Variants in TFEB observed in about 807,000 individuals in gnomAD.
TFEB encodes transcription factor EB, also known as T-cell transcription factor EB.
A neutral mutation model predicts 48.0 loss-of-function variants in TFEB; 12 were observed. The observed-to-expected ratio is 0.25, with a 90% confidence interval of 0.16 to 0.40. The LOEUF (loss-of-function observed/expected upper bound fraction) is 0.40. Ranked by LOEUF, TFEB falls within the 10% of genes least tolerant of loss-of-function variation. TFEB has a pLI of 1.00. For missense variants in TFEB, 509 were observed against 640.3 expected (o/e 0.79, Z 2.21); for synonymous variants, 244 against 261.4 (o/e 0.93, Z 0.64).
At position 41,690,759 on chromosome 6, in the gene TFEB, C is replaced by A; in HGVS notation, c.372G>T (p.Gly124=). ...AGGACAGCACGTGTCCAGCTCGCAC[C>A]CCTGGGGAGGCGGCTGGTGGGGGTT... The part of the protein sequence containing the change: ...SPKPPPAASP[G]VRAGHVLSSS... The change falls in exon 3 of 9, where the codon GGG becomes GGT. Residue 124 remains glycine, a synonymous_variant. Transcript: ENST00000373033. 4.3e-6 allele frequency: 7 copies of A among 1,610,018 alleles called. No individual in the cohort carries two copies. The highest frequency in any genetic ancestry group is 5.9e-6 in the Non-Finnish European group (7 of 1,177,706).
At chr6:41,696,778 G>A (rs1473733591) in intron 1 of TFEB, among the ~76,000 whole-genome samples, 1 of 152,194 alleles carries the variant, frequency 6.6e-6, no homozygotes, top group Non-Finnish European at 1.5e-5. Flanking sequence ...CAAATGCACT[G>A]TTGTTACACA....
At chr6:41,735,646 G>T (rs1166748614), upstream of TFEB, 2 of 839,486 alleles carry the variant, frequency 2.4e-6, no homozygotes, top group East Asian at 2.4e-4. Flanking sequence ...GGCAGCACCC[G>T]CCCCGCCTCC....
intron 1 of TFEB, among the ~76,000 whole-genome samples, chr6:41,704,067 A>C (rs1310085623): frequency 6.6e-6 from 1 of 152,046 alleles, no homozygotes; most frequent in Non-Finnish European, 1.5e-5. Flanking sequence ...GGTGCAGGAC[A>C]CCAGCCTCCC....
intron 1 of TFEB, among the ~76,000 whole-genome samples, chr6:41,722,699 A>C (rs1320160407): frequency 2.0e-5 from 3 of 152,256 alleles, no homozygotes; most frequent in African/African-American, 4.8e-5. Flanking sequence ...CCAGGTAAAC[A>C]TGAGCTCTTA....
intron 1 of TFEB, chr6:41,705,586 G>A (rs1308753373): frequency 6.6e-6 from 1 of 152,512 alleles, no homozygotes; most frequent in Non-Finnish European, 1.5e-5. Flanking sequence ...CCCTGTCCAT[G>A]AAGAGGTGAC....
intron 1 of TFEB, among the ~76,000 whole-genome samples, chr6:41,715,676 G>GA (rs34988206): frequency 1.5e-3 from 183 of 125,974 alleles, no homozygotes; most frequent in Middle Eastern, 4.3e-3. Flanking sequence ...TCTCAATTAA[G>GA]AAAAAAAAAA....
In TFEB at chr6:41,723,528, G is replaced by A. The variant is rs2127267993; in HGVS notation, c.-23+11822C>T. ...CAGCTCCTCCAGGGGCCGGAGCCCA[G>A]GGCCGCACCCCAGCCCCAGGGCCGG... On this transcript the variant is annotated intron_variant, in intron 1 of 8. Transcript: ENST00000373033. This position sits in a 1 kb window ranked among gnomAD's most constrained non-coding sequence, Gnocchi z 6.0. 2 of 1,285,434 alleles carry A rather than the reference G, an allele frequency of 1.6e-6. No homozygotes were observed. Among genetic ancestry groups the A allele is most frequent in the East Asian group, 5.6e-5 (1 of 17,948 alleles). 79.6% of individuals were successfully genotyped at this position (1,285,434 alleles called of 1,614,324 possible).
intron 1 of TFEB, among the ~76,000 whole-genome samples, chr6:41,715,394 G>A (rs1770690899): frequency 6.6e-6 from 1 of 152,170 alleles, no homozygotes; most frequent in Non-Finnish European, 1.5e-5. Context: ...CATGAGCCGG[G>A]CGCAGTGGCT....
At chr6:41,704,214 G>T (rs57362568) in intron 1 of TFEB, among the ~76,000 whole-genome samples, 1 of 152,074 alleles carries the variant, frequency 6.6e-6, no homozygotes, top group Non-Finnish European at 1.5e-5. Context: ...CCTCCACCAC[G>T]TCATCTGTCC....
chr6:41,736,129 A>G (rs1771666102), upstream of TFEB: 1 of 1,612,732 alleles, frequency 6.2e-7, no homozygotes, highest in Admixed American at 1.7e-5. Flanking sequence ...TGGGTTCTAC[A>G]TTCACGCCCC....
chr6:41,735,087 G>A (rs1561877806), intron 1 of TFEB: 2 of 984,970 alleles, frequency 2.0e-6, no homozygotes, highest in Non-Finnish European at 2.4e-6. Context: ...ATAAGGTCGC[G>A]GAGAAGCCGC....
At chr6:41,711,115 C>T (rs557598519) in intron 1 of TFEB, among the ~76,000 whole-genome samples, 1 of 152,212 alleles carries the variant, frequency 6.6e-6, no homozygotes, top group Non-Finnish European at 1.5e-5. Context: ...CTTCTAAAGC[C>T]GTGATAGAGC....
chr6:41,735,528 C>T lies in TFEB; in HGVS notation c.-201G>A. On this transcript the variant is annotated 5_prime_UTR_variant, in exon 1 of 9. Transcript: ENST00000373033. ...CCCGCCGCCGTCGGCGCCGCGGCCG[C>T]TCCCTGCGTCCCGCCCGGGCCGCCG... is the stretch of plus-strand genomic sequence containing the variant. 1.0e-6 allele frequency: 1 copy of T among 984,782 alleles called. No homozygotes were observed. The highest frequency in any genetic ancestry group is 1.2e-6 in the Non-Finnish European group (1 of 829,816). 61.0% of individuals were successfully genotyped at this position (984,782 alleles called of 1,614,324 possible).
At position 41,734,823 on chromosome 6, in the gene TFEB, C is replaced by T; in HGVS notation, c.-23+527G>A. 1.1e-6 allele frequency: 1 copy of T among 906,528 alleles called. No individual in the cohort carries two copies. Among genetic ancestry groups the T allele is most frequent in the Non-Finnish European group, 1.3e-6 (1 of 757,750 alleles). The allele number at this position is 906,528 out of a possible 1,614,324, so 56.2% of individuals were successfully genotyped here. On this transcript the variant is annotated intron_variant, in intron 1 of 8. Coordinates refer to ENST00000373033, the MANE Select transcript of TFEB (RefSeq NM_001271944.2). This position sits in a 1 kb window ranked among gnomAD's most constrained non-coding sequence, Gnocchi z 4.0. ...CCCGCCCCCCCATCAGCCCAGCCCC[C>T]GGGGCGTGGCGCCGCTCTGGCCCTC...
At chr6:41,687,210 G>A in intron 6 of TFEB, 41 bp from the exon 7 acceptor site, 1 of 1,604,060 alleles carries the variant, frequency 6.2e-7, no homozygotes, top group Non-Finnish European at 8.5e-7. Flanking sequence ...TAGAGGGATG[G>A]GGACCCCCCA....
rs1769200152 is a variant in TFEB at position 41,689,791 on chromosome 6, G to T, written c.489C>A (p.Asn163Lys). The change falls in exon 4 of 9, where the codon AAC (asparagine) becomes AAA (lysine). Residue 163 changes from asparagine (N) to lysine (K), a missense_variant. This residue lies in a region of TFEB where 251 missense variants were observed against 317.2 expected (regional missense o/e 0.79). Coordinates refer to ENST00000373033, the MANE Select transcript of TFEB (RefSeq NM_001271944.2). Reference sequence around the variant, plus strand: ...CAAGGACATCGTCCAGACGCATAATGTTGTCAATGACATCATCCAACTGGA... The same window carrying T: ...CAAGGACATCGTCCAGACGCATAATTTTGTCAATGACATCATCCAACTGGA... ...PERELDDVID[N>K]IMRLDDVLGY... 1.2e-6 allele frequency: 2 copies of T among 1,613,950 alleles called. No individual in the cohort carries two copies. Among genetic ancestry groups the T allele is most frequent in the Non-Finnish European group, 8.5e-7 (1 of 1,179,918 alleles).
intron 8 of TFEB, 41 bp from the exon 9 acceptor site, chr6:41,685,119 G>T: frequency 7.2e-7 from 1 of 1,392,922 alleles, no homozygotes; most frequent in Non-Finnish European, 9.3e-7. Flanking sequence ...CACACCTATG[G>T]GCACCAGCCA....
At chr6:41,716,977 C>A (rs534100158) in intron 1 of TFEB, among the ~76,000 whole-genome samples, 34 of 152,278 alleles carry the variant, frequency 2.2e-4, no homozygotes, top group African/African-American at 7.9e-4. Context: ...AGGTGACCGG[C>A]CACCCTCCAT....
intron 1 of TFEB, among the ~76,000 whole-genome samples, chr6:41,728,688 G>T (rs955110494): frequency 7.2e-5 from 11 of 152,238 alleles, no homozygotes; most frequent in East Asian, 1.9e-4. Context: ...GGGGAGGGGG[G>T]GTTGGGGGAG....
Sources: gnomAD v4.1 joint callset for allele counts (sites outside exome capture counted in the v4.1 genomes callset) on GRCh38, gnomAD v4.1.1 for gene constraint, gnomAD v4.1.1 regional missense constraint, Gnocchi (gnomAD v3.1) non-coding constraint, MANE v1.5 for transcripts, NCBI Gene and HGNC (gene_info 2026-07-23, HGNC 2026-07-21) for gene names.